Variants in SYT17 observed in about 807,000 individuals in gnomAD.
SYT17 encodes synaptotagmin 17, also known as synaptotagmin-17.
SYT17 carries 22 observed loss-of-function variants against 46.7 expected under a neutral mutation model. The ratio of observed to expected loss-of-function variants is 0.47; its 90% CI spans 0.34 to 0.67. The LOEUF is 0.67. SYT17 is among the 30% of genes least tolerant of loss of function. The probability of loss-of-function intolerance (pLI) is 0.01; values close to 1 mark genes in which losing one functional copy is unlikely to be tolerated. For missense variants in SYT17, 519 were observed against 612.8 expected (o/e 0.85, Z 1.62); for synonymous variants, 251 against 248.4 (o/e 1.01, Z -0.10).
At chr16:19,245,358 C>T (rs940840018) in intron 7 of SYT17, among the ~76,000 whole-genome samples, 1 of 152,146 alleles carries the variant, frequency 6.6e-6, no homozygotes, top group African/African-American at 2.4e-5. Flanking sequence ...AACGGAAAAT[C>T]ATCCAGCCCC....
At chr16:19,250,810 C>T (rs1185337843) in intron 7 of SYT17, among the ~76,000 whole-genome samples, 6 of 152,104 alleles carry the variant, frequency 3.9e-5, no homozygotes, top group African/African-American at 1.4e-4. Flanking sequence ...TTAACGATCC[C>T]ATGTGACCAG....
intron 5 of SYT17, among the ~76,000 whole-genome samples, chr16:19,208,910 T>TTTTTTTTTTTTA (rs61188813): frequency 7.0e-6 from 1 of 142,050 alleles, no homozygotes; most frequent in Non-Finnish European, 1.5e-5. Context: ...TTTTTTTTTT[T>TTTTTTTTTTTTA]GAGACAGAGT....
chr16:19,176,221 T>C (rs1211673208), intron 3 of SYT17, among the ~76,000 whole-genome samples: 1 of 152,180 alleles, frequency 6.6e-6, no homozygotes, highest in African/African-American at 2.4e-5. Context: ...AGCACTAGAC[T>C]TGCATTCTGT....
intron 7 of SYT17, chr16:19,250,109 A>G (rs188177634): frequency 4.6e-4 from 688 of 1,493,966 alleles, no homozygotes; most frequent in Non-Finnish European, 3.9e-4. Context: ...CTTTTATTTT[A>G]AAGGCTTTGG....
At chr16:19,178,894 G>A (rs1232437466) in intron 3 of SYT17, among the ~76,000 whole-genome samples, 2 of 151,988 alleles carry the variant, frequency 1.3e-5, no homozygotes, top group African/African-American at 2.4e-5. Flanking sequence ...AGCCACCCCA[G>A]TTGTAATAAT....
chr16:19,229,354 A>G (rs1260841324), intron 7 of SYT17, among the ~76,000 whole-genome samples: 1 of 152,114 alleles, frequency 6.6e-6, no homozygotes, highest in East Asian at 1.9e-4. Context: ...GAAACGTACA[A>G]TCATGGAGGA....
At chr16:19,252,944 C>T (rs1191354920) in intron 7 of SYT17, among the ~76,000 whole-genome samples, 1 of 152,096 alleles carries the variant, frequency 6.6e-6, no homozygotes, top group Non-Finnish European at 1.5e-5. Flanking sequence ...GACTGCTGAG[C>T]CCCTGCCCAA....
At position 19,186,408 on chromosome 16, in the gene SYT17, C is replaced by T. The variant is rs149738168; in HGVS notation, c.951+2261C>T. Among the ~76,000 whole-genome samples the T allele has an allele frequency of 5.1e-3, 771 of 152,142 alleles. 6 individuals carry two copies. The highest frequency in any genetic ancestry group is 7.5e-3 in the Non-Finnish European group (509 of 67,996). On this transcript the variant is annotated intron_variant, in intron 5 of 7. Transcript: ENST00000355377. Reference sequence around the variant, plus strand: ...CTGAGGCAGGAGGATTGCTCGAGCCCGGGAGTTTGAGGCTGCAGTGAGCTA... The same window carrying T: ...CTGAGGCAGGAGGATTGCTCGAGCCTGGGAGTTTGAGGCTGCAGTGAGCTA...
At chr16:19,231,523 CAAAA>C (rs143448107) in intron 7 of SYT17, among the ~76,000 whole-genome samples, 6 of 45,860 alleles carry the variant, frequency 1.3e-4, no homozygotes, top group East Asian at 1.7e-3. Context: ...AACTCCATCA[CAAAA>C]AAAAAAAAAA....
At chr16:19,211,624 ATTT>A (rs10716359) in intron 5 of SYT17, among the ~76,000 whole-genome samples, 2 of 143,440 alleles carry the variant, frequency 1.4e-5, no homozygotes, top group Admixed American at 6.9e-5. Flanking sequence ...ACGATCTTGT[ATTT>A]TTTTTTTTTT....
intron 1 of SYT17, chr16:19,171,525 A>T (rs1323861203): frequency 6.6e-6 from 1 of 152,196 alleles, no homozygotes; most frequent in Non-Finnish European, 1.5e-5. Context: ...GGGTTTCACC[A>T]TGTTGGCCAG....
Position 19,171,289 on chromosome 16 carries a change from T to TATGATGATGATGATG in SYT17, c.16-1447_16-1433dup, listed in dbSNP as rs66740634. ...TTCACAAGCCACGTACCACCTATACTATGATGATGATGATGATGATGATGA... is the reference window on the plus strand; with the variant it reads ...TTCACAAGCCACGTACCACCTATACTATGATGATGATGATGATGATGATGATGATGATGATGATGA... On this transcript the variant is annotated intron_variant, in intron 1 of 7. Coordinates refer to ENST00000355377, the MANE Select transcript of SYT17 (RefSeq NM_016524.4). 1.8e-4 allele frequency: 19 copies of TATGATGATGATGATG among 107,684 alleles called. 1 individual carries two copies. Among genetic ancestry groups the TATGATGATGATGATG allele is most frequent in the African/African-American group, 5.7e-4 (12 of 20,958 alleles). 6.7% of individuals were successfully genotyped at this position (107,684 alleles called of 1,614,324 possible).
At chr16:19,180,855 A>G (rs1964523523) in intron 4 of SYT17, among the ~76,000 whole-genome samples, 1 of 152,200 alleles carries the variant, frequency 6.6e-6, no homozygotes, top group Non-Finnish European at 1.5e-5. Flanking sequence ...GTGTGGCTAT[A>G]TTATATAGCA....
intron 5 of SYT17, among the ~76,000 whole-genome samples, chr16:19,187,955 C>A (rs957358887): frequency 9.9e-5 from 15 of 152,142 alleles, no homozygotes; most frequent in African/African-American, 3.6e-4. Context: ...GACAGAAATA[C>A]CTTTCCACCC....
chr16:19,190,270 C>T (rs2142651904), intron 5 of SYT17, among the ~76,000 whole-genome samples: 1 of 152,250 alleles, frequency 6.6e-6, no homozygotes. Flanking sequence ...ACTTGGAAGG[C>T]TGAGGCAGGA....
At position 19,246,087 on chromosome 16, in the gene SYT17, C is replaced by T. The variant is rs144259013; in HGVS notation, c.1229-20793C>T. ...GTGGTGCGATCTTGGCTCACTGCAA[C>T]CTCTGCCTGCTGGGTTCAAGAGGCA... On this transcript the variant is annotated intron_variant, in intron 7 of 7. Coordinates refer to ENST00000355377, the MANE Select transcript of SYT17 (RefSeq NM_016524.4). Among the ~76,000 whole-genome samples, 413 of 151,688 alleles carry T rather than the reference C, an allele frequency of 2.7e-3. 2 individuals carry two copies. Among genetic ancestry groups the T allele is most frequent in the African/African-American group, 9.5e-3 (392 of 41,384 alleles).
chr16:19,242,970 G>A (rs1967246347), intron 7 of SYT17, among the ~76,000 whole-genome samples: 1 of 152,188 alleles, frequency 6.6e-6, no homozygotes, highest in South Asian at 2.1e-4. Flanking sequence ...TTAGCACACA[G>A]CAGATGCTCA....
intron 5 of SYT17, among the ~76,000 whole-genome samples, chr16:19,210,246 T>C (rs1965845080): frequency 6.6e-6 from 1 of 152,094 alleles, no homozygotes; most frequent in Non-Finnish European, 1.5e-5. Flanking sequence ...ATTATTATTA[T>C]TTTTTAATTG....
rs773399652 is a variant in SYT17, at chr16:19,223,179, C to T, written c.1072+14C>T. 1.2e-5 allele frequency: 20 copies of T among 1,611,330 alleles called. No homozygotes were observed. The highest frequency in any genetic ancestry group is 3.3e-5 in the South Asian group (3 of 90,912). ...GCCAAGGTTCAGGTACCGTGTGATT[C>T]CCCTCTTCTCTCACTTTATTAATGG... On this transcript the variant is annotated intron_variant, in intron 6 of 7. Coordinates refer to ENST00000355377, the MANE Select transcript of SYT17 (RefSeq NM_016524.4).
Sources: allele counts gnomAD v4.1 joint callset (sites outside exome capture counted in the v4.1 genomes callset), GRCh38; gene constraint gnomAD v4.1.1; transcripts MANE v1.5; gene names NCBI Gene and HGNC (gene_info 2026-07-23, HGNC 2026-07-21).